The following ITGA1 variants were observed in gnomAD, a reference collection of about 807,000 sequenced individuals.
ITGA1 encodes the protein integrin alpha-1.
Under a neutral mutation model 145.9 loss-of-function variants are expected in ITGA1, and 85 were observed. The observed-to-expected ratio is 0.58, with a 90% CI of 0.49 to 0.70. The LOEUF is 0.70. Ranked by LOEUF, ITGA1 falls within the 30% of genes least tolerant of loss-of-function variation. ITGA1 has a pLI of 0.00. For synonymous variants in ITGA1, 520 were observed against 495.3 expected (o/e 1.05, Z -0.66); for missense variants, 1,351 against 1,418.7 (o/e 0.95, Z 0.77).
chr5:52,872,575 A>ATTTTTTTTTATTTTTTTTTTT (rs1749793894), intron 6 of ITGA1, among the ~76,000 whole-genome samples: 1 of 98,372 alleles, frequency 1.0e-5, no homozygotes, highest in Non-Finnish European at 2.0e-5. Context: ...GCCTCAGTCA[A>ATTTTTTTTTATTTTTTTTTTT]TTTTTTTTTT....
At chr5:52,827,642 A>G (rs1256153727) in intron 1 of ITGA1, among the ~76,000 whole-genome samples, 2 of 152,178 alleles carry the variant, frequency 1.3e-5, no homozygotes, top group African/African-American at 2.4e-5. Context: ...TCATGGTTTT[A>G]TTCTATTCTG....
intron 7 of ITGA1, among the ~76,000 whole-genome samples, chr5:52,886,728 T>C (rs1033944688): frequency 9.8e-5 from 15 of 152,350 alleles, no homozygotes; most frequent in African/African-American, 3.6e-4. Context: ...CCCTGTCTTC[T>C]GTTTCTTTCC....
chr5:52,832,836 A>ACT (rs1749096396), intron 1 of ITGA1, among the ~76,000 whole-genome samples: 2 of 8,048 alleles, frequency 2.5e-4, no homozygotes, highest in Non-Finnish European at 2.3e-3. Flanking sequence ...TTCTCAAAAG[A>ACT]GTTTTTTTTT....
intron 18 of ITGA1, among the ~76,000 whole-genome samples, chr5:52,923,967 T>C (rs1258045909): frequency 6.6e-6 from 1 of 152,092 alleles, no homozygotes; most frequent in Non-Finnish European, 1.5e-5. Context: ...GCTCTGAGAA[T>C]AGAAATGAGA....
intron 23 of ITGA1, among the ~76,000 whole-genome samples, chr5:52,936,607 A>C (rs10940279): frequency 0.33 from 50,785 of 151,994 alleles, 8,954 homozygotes; most frequent in South Asian, 0.43. Context: ...GGAAGGGGAC[A>C]ACTGCATCTG....
At chr5:52,885,273 C>A (rs1363770103) in intron 7 of ITGA1, among the ~76,000 whole-genome samples, 2 of 152,154 alleles carry the variant, frequency 1.3e-5, no homozygotes, top group Non-Finnish European at 2.9e-5. Context: ...GCCCCTCAAT[C>A]TTTCCTGGAG....
At position 52,908,992 on chromosome 5, in the gene ITGA1, G is replaced by A; in HGVS notation, c.1550G>A (p.Gly517Glu). 6.2e-7 allele frequency: 1 copy of A among 1,613,904 alleles called. No individual in the cohort carries two copies. The highest frequency in any genetic ancestry group is 1.1e-5 in the South Asian group (1 of 91,076). Residue 517 changes from glycine to glutamate, a missense_variant, in exon 13 of 29, where the codon GGA becomes GAA. Transcript: ENST00000282588. Reference protein sequence around the residue: ...ILLVGAPMYMGTEKEEQGKVY... With the variant: ...ILLVGAPMYMETEKEEQGKVY... The stretch of plus-strand genomic sequence containing the variant: ...CTAGTCGGAGCCCCTATGTACATGG[G>A]AACAGAGAAGGAGGAGCAAGGAAAA...
intron 10 of ITGA1, among the ~76,000 whole-genome samples, chr5:52,897,873 T>C (rs1173312222): frequency 1.3e-5 from 2 of 152,120 alleles, no homozygotes; most frequent in African/African-American, 4.8e-5. Flanking sequence ...AAGGGTCTTA[T>C]TAGAATTCCA....
intron 19 of ITGA1, 90 bp from the exon 20 acceptor site, chr5:52,927,494 A>T: frequency 2.4e-6 from 2 of 841,732 alleles, no homozygotes; most frequent in Admixed American, 2.1e-5. Flanking sequence ...CAAGGCAGTC[A>T]CCAAGACACA....
intron 1 of ITGA1, among the ~76,000 whole-genome samples, chr5:52,839,600 T>C (rs1302509678): frequency 6.6e-6 from 1 of 152,226 alleles, no homozygotes; most frequent in African/African-American, 2.4e-5. Flanking sequence ...TGTACCTTTA[T>C]TAGCAGGTTC....
intron 1 of ITGA1, among the ~76,000 whole-genome samples, chr5:52,789,129 C>G (rs1372270330): frequency 6.6e-6 from 1 of 151,958 alleles, no homozygotes; most frequent in Non-Finnish European, 1.5e-5. Flanking sequence ...AAAGTTGTAT[C>G]CAATTTAGAA....
intron 1 of ITGA1, among the ~76,000 whole-genome samples, chr5:52,811,286 T>A (rs1431174985): frequency 6.6e-6 from 1 of 152,174 alleles, no homozygotes; most frequent in Non-Finnish European, 1.5e-5. Context: ...TAATTTCATC[T>A]TTTTGAGAGT....
At chr5:52,923,560 C>A (rs1424862357) in intron 18 of ITGA1, among the ~76,000 whole-genome samples, 1 of 152,174 alleles carries the variant, frequency 6.6e-6, no homozygotes, top group Non-Finnish European at 1.5e-5. Flanking sequence ...CAGGTTTGCC[C>A]TGGTAACATT....
chr5:52,806,678 A>G (rs1435957945), intron 1 of ITGA1, among the ~76,000 whole-genome samples: 1 of 152,160 alleles, frequency 6.6e-6, no homozygotes, highest in Non-Finnish European at 1.5e-5. Flanking sequence ...TCCAAGAATA[A>G]TCTGTAAAAT....
chr5:52,906,937 C>T (rs1750417875), intron 12 of ITGA1, among the ~76,000 whole-genome samples: 1 of 152,216 alleles, frequency 6.6e-6, no homozygotes, highest in Non-Finnish European at 1.5e-5. Context: ...TTTATGACAA[C>T]ACCATAGACA....
chr5:52,888,054 C>A, intron 8 of ITGA1, 89 bp downstream of exon 8: 1 of 1,355,828 alleles, frequency 7.4e-7, no homozygotes, highest in Non-Finnish European at 1.0e-6. Context: ...GTCACACAAA[C>A]CAGGTTGGAA....
At chr5:52,924,891 T>C (rs1320478780) in intron 18 of ITGA1, among the ~76,000 whole-genome samples, 2 of 152,176 alleles carry the variant, frequency 1.3e-5, no homozygotes, top group African/African-American at 4.8e-5. Flanking sequence ...CCCTCTCAAC[T>C]GAGCTTTATG....
At chr5:52,898,496 C>A (rs1245662660) in intron 11 of ITGA1, 113 bp downstream of exon 11, 7 of 1,003,742 alleles carry the variant, frequency 7.0e-6, no homozygotes, top group Non-Finnish European at 9.9e-6. Flanking sequence ...ATTATTTCAA[C>A]AAGTTGGGTA....
At chr5:52,849,226 T>C (rs1749387834) in intron 1 of ITGA1, 139 bp from the exon 2 acceptor site, 2 of 650,528 alleles carry the variant, frequency 3.1e-6, no homozygotes, top group South Asian at 6.8e-5. Flanking sequence ...GAGACCTTCC[T>C]TGAGTTTTCA....
Sources: gnomAD v4.1 joint callset for allele counts (sites outside exome capture counted in the v4.1 genomes callset) on GRCh38, gnomAD v4.1.1 for gene constraint, MANE v1.5 for transcripts, NCBI Gene and HGNC (gene_info 2026-07-23, HGNC 2026-07-21) for gene names.